Variants in SLC9A8 observed in about 807,000 individuals in gnomAD.
SLC9A8 encodes the protein sodium/hydrogen exchanger 8.
Under a neutral mutation model 66.6 loss-of-function variants are expected in SLC9A8, and 48 were observed. The observed-to-expected ratio is 0.72, with a 90% CI of 0.57 to 0.92. SLC9A8 has a LOEUF of 0.92. Ranked by LOEUF, SLC9A8 falls within the 40% of genes least tolerant of loss-of-function variation. The pLI, the probability that SLC9A8 is intolerant of heterozygous loss-of-function variation, is 0.00. For synonymous variants in SLC9A8, 274 were observed against 282.6 expected (o/e 0.97, Z 0.31); for missense variants, 599 against 747.3 (o/e 0.80, Z 2.31).
chr20:49,841,545 A>C (rs1018045735), intron 4 of SLC9A8, among the ~76,000 whole-genome samples: 1 of 150,064 alleles, frequency 6.7e-6, no homozygotes, highest in African/African-American at 2.4e-5. Context: ...TTTTCTATCA[A>C]CTTGCTTTTT....
chr20:49,879,156 C>G lies in SLC9A8; in HGVS notation c.1158+1093C>G, dbSNP rs1600804166. ...AACAGGGAGGTGACTATTTCAGCCA[C>G]AGGTTGGGAGGAAAATGAAAGGATG... On this transcript the variant is annotated intron_variant, in intron 12 of 15. Coordinates refer to ENST00000361573, the MANE Select transcript of SLC9A8 (RefSeq NM_015266.3). 3.3e-5 allele frequency among the ~76,000 whole-genome samples: 5 copies of G among 152,240 alleles called. No individual in the cohort carries two copies. In the South Asian group the frequency reaches 1.0e-3, roughly 32 times the overall value.
chr20:49,863,149 A>C (rs1253586546), intron 9 of SLC9A8, 82 bp downstream of exon 9: 5 of 1,280,984 alleles, frequency 3.9e-6, no homozygotes, highest in Non-Finnish European at 5.3e-6. Flanking sequence ...CCTGTTTTTT[A>C]AGGGGGCCAA....
rs1202586741 is a variant in SLC9A8, at chr20:49,834,200, TATATATATATATATAC to T, written c.290-5339_290-5324del. ...CTCTCTCTCTCTATATATATATATA[TATATATATATATATAC>T]ACACACACACTATGTATATACACAC... On this transcript the variant is annotated intron_variant, in intron 3 of 15. Transcript: ENST00000361573. Among the ~76,000 whole-genome samples the T allele has an allele frequency of 1.4e-4, 17 of 125,148 alleles. 1 individual carries two copies. The highest frequency in any genetic ancestry group is 5.1e-4 in the African/African-American group (16 of 31,160). 82.1% of individuals were successfully genotyped at this position (125,148 alleles called of 152,430 possible).
At position 49,817,760 on chromosome 20, in the gene SLC9A8, A is replaced by G. The variant is rs75873138; in HGVS notation, c.208+2571A>G. On this transcript the variant is annotated intron_variant, in intron 2 of 15. Coordinates refer to ENST00000361573, the MANE Select transcript of SLC9A8 (RefSeq NM_015266.3). ...ACAGACCAGAAGTATACAATGTCTC[A>G]TATAGATTTAATACACCCTGGTAAT... Among the ~76,000 whole-genome samples, 1,378 of 152,346 alleles carry G rather than the reference A, an allele frequency of 9.0e-3. 19 individuals carry two copies. Among genetic ancestry groups the G allele is most frequent in the African/African-American group, 0.032 (1,324 of 41,568 alleles).
At chr20:49,883,600 C>T (rs970489890) in intron 13 of SLC9A8, among the ~76,000 whole-genome samples, 12 of 152,194 alleles carry the variant, frequency 7.9e-5, no homozygotes, top group African/African-American at 2.9e-4. Flanking sequence ...GCATCTGGGG[C>T]TCTGTAGCTG....
intron 7 of SLC9A8, among the ~76,000 whole-genome samples, chr20:49,853,292 C>T (rs1383847995): frequency 6.6e-6 from 1 of 151,974 alleles, no homozygotes; most frequent in Admixed American, 6.6e-5. Context: ...TACAGGTATG[C>T]GGCACCACTT....
chr20:49,832,095 A>AT (rs1460442787), intron 3 of SLC9A8, among the ~76,000 whole-genome samples: 1 of 152,000 alleles, frequency 6.6e-6, no homozygotes, highest in East Asian at 1.9e-4. Flanking sequence ...GCAGTCCCAC[A>AT]TTCTCCAGCC....
chr20:49,823,717 C>A (rs1417451089), intron 3 of SLC9A8, among the ~76,000 whole-genome samples: 1 of 152,078 alleles, frequency 6.6e-6, no homozygotes, highest in Non-Finnish European at 1.5e-5. Context: ...CACACAAGTT[C>A]ATTGAAGTGG....
In SLC9A8 at chr20:49,886,821, C is replaced by T. The variant is rs1461300188; in HGVS notation, c.1561C>T (p.Arg521Trp). Residue 521 changes from arginine (R) to tryptophan (W), a missense_variant, in exon 15 of 16, where the codon CGG (arginine) becomes TGG (tryptophan). Physicochemically the swap from Arg to Trp is moderately radical, Grantham distance 101. This residue lies in a region of SLC9A8 where 467 missense variants were observed against 626.5 expected (regional missense o/e 0.75). Coordinates refer to ENST00000361573, the MANE Select transcript of SLC9A8 (RefSeq NM_015266.3). The surrounding 1 kb of genome is among the most constrained non-coding windows in gnomAD (Gnocchi z 4.8). ...EEEYEAHYIR[R>W]QDLKGFVWLD... ...GGAGTACGAGGCCCACTACATCAGG[C>T]GGCAGGACCTTAAGGGCTTCGTGTG... 10 of 1,614,048 alleles carry T rather than the reference C, an allele frequency of 6.2e-6. No homozygotes were observed. The highest frequency in any genetic ancestry group is 1.1e-5 in the South Asian group (1 of 91,092).
At chr20:49,864,431 C>T (rs1296864483) in intron 9 of SLC9A8, among the ~76,000 whole-genome samples, 2 of 152,134 alleles carry the variant, frequency 1.3e-5, no homozygotes, top group African/African-American at 2.4e-5. Flanking sequence ...CGCCATGGCC[C>T]GGCACATCCC....
At chr20:49,819,453 G>A (rs946993276) in intron 2 of SLC9A8, among the ~76,000 whole-genome samples, 1 of 152,078 alleles carries the variant, frequency 6.6e-6, no homozygotes, top group Admixed American at 6.5e-5. Context: ...GACATAAATG[G>A]GGTCCCATAA....
rs145818311 is a variant in SLC9A8, at chr20:49,827,005, G to A, written c.289+3864G>A. Among the ~76,000 whole-genome samples the A allele has an allele frequency of 1.4e-3, 215 of 150,526 alleles. 2 individuals are homozygous for A. Among genetic ancestry groups the A allele is most frequent in the African/African-American group, 5.0e-3 (203 of 40,950 alleles). On this transcript the variant is annotated intron_variant, in intron 3 of 15. Transcript: ENST00000361573. Reference sequence around the variant, plus strand: ...TTCACCCAGGCTGGAGTGCAATCACGATCTTGGCGCACTGCAACCTCCGCC... The same window carrying A: ...TTCACCCAGGCTGGAGTGCAATCACAATCTTGGCGCACTGCAACCTCCGCC...
chr20:49,885,393 G>A (rs1334310248), intron 14 of SLC9A8, among the ~76,000 whole-genome samples: 6 of 152,104 alleles, frequency 3.9e-5, no homozygotes, highest in Non-Finnish European at 4.4e-5. Flanking sequence ...TGGCGTGATC[G>A]TGGCCCACTG....
At chr20:49,859,241 T>C (rs1446292805) in intron 8 of SLC9A8, among the ~76,000 whole-genome samples, 1 of 152,196 alleles carries the variant, frequency 6.6e-6, no homozygotes, top group Admixed American at 6.5e-5. Flanking sequence ...GAGGGACCTC[T>C]GTGTGCCAGA....
Position 49,874,740 on chromosome 20 carries a change from T to TC in SLC9A8, c.997dup (p.His333ProfsTer6). The TC allele has an allele frequency of 6.2e-7, 1 of 1,613,338 alleles. No homozygotes were observed. The highest frequency in any genetic ancestry group is 2.2e-5 in the East Asian group (1 of 44,878). ...CATCCTTTTCTCAGGCATCGTGATG[T>TC]CCCACTACACGCACCATAACCTCTC... is the stretch of plus-strand genomic sequence containing the variant. On this transcript the variant is annotated frameshift_variant, in exon 11 of 16. Transcript: ENST00000361573. LOFTEE classifies it high-confidence loss of function.
intron 3 of SLC9A8, among the ~76,000 whole-genome samples, chr20:49,824,886 C>T (rs1490572417): frequency 6.6e-6 from 1 of 152,086 alleles, no homozygotes; most frequent in African/African-American, 2.4e-5. Flanking sequence ...CAGTGTGAAA[C>T]CCAGTTCTGG....
intron 4 of SLC9A8, among the ~76,000 whole-genome samples, chr20:49,843,353 C>G (rs564688716): frequency 5.3e-5 from 8 of 152,228 alleles, no homozygotes; most frequent in Middle Eastern, 3.4e-3. Flanking sequence ...GTACATGCTG[C>G]TATTTTAAGA....
chr20:49,887,844 C>T lies in SLC9A8; in HGVS notation c.1654C>T (p.Arg552Cys), dbSNP rs748756167. The T allele has an allele frequency of 5.6e-6, 9 of 1,609,550 alleles. No homozygotes were observed. Among genetic ancestry groups the T allele is most frequent in the East Asian group, 2.2e-5 (1 of 44,800 alleles). The stretch of plus-strand genomic sequence containing the variant: ...CTCGACCCAGGACCTGCACCACGGG[C>T]GCATCCAGATGAAAACTCTCACCAA... ...RLTQEDLHHGRIQMKTLTNKW... is the reference protein window; with the variant it reads ...RLTQEDLHHGCIQMKTLTNKW... The change falls in exon 16 of 16, where the codon CGC becomes TGC. Residue 552 changes from arginine to cysteine, a missense_variant. Physicochemically the swap from Arg to Cys is radical, Grantham distance 180 (BLOSUM62 -3). Transcript: ENST00000361573.
intron 3 of SLC9A8, among the ~76,000 whole-genome samples, chr20:49,832,483 A>G (rs2087246313): frequency 6.6e-6 from 1 of 152,154 alleles, no homozygotes; most frequent in African/African-American, 2.4e-5. Flanking sequence ...AGGGATGTCA[A>G]TTTCTTATCC....
Sources: allele counts gnomAD v4.1 joint callset (sites outside exome capture counted in the v4.1 genomes callset), GRCh38; gene constraint gnomAD v4.1.1; regional missense constraint gnomAD v4.1.1; non-coding constraint Gnocchi (gnomAD v3.1); transcripts MANE v1.5; gene names NCBI Gene and HGNC (gene_info 2026-07-23, HGNC 2026-07-21).